GALK2: variants seen among roughly 807,000 people sequenced by gnomAD.
GALK2 encodes N-acetylgalactosamine kinase.
In GALK2, 36 loss-of-function variants were observed where a neutral mutation model predicts 52.4. The observed-to-expected ratio is 0.69, with a 90% confidence interval of 0.53 to 0.91. GALK2 has a LOEUF of 0.91. Ranked by LOEUF, GALK2 falls within the 40% of genes least tolerant of loss-of-function variation. The probability of loss-of-function intolerance (pLI) is 0.00; values close to 1 mark genes in which losing one functional copy is unlikely to be tolerated. For missense variants in GALK2, 579 were observed against 559.1 expected, an observed-to-expected ratio of 1.04 and a Z score of -0.36; for synonymous variants, 176 against 199.1, an observed-to-expected ratio of 0.88 and a Z score of 0.98.
Position 49,178,106 on chromosome 15 carries a change from T to C in GALK2, c.53+7731T>C, listed in dbSNP as rs546267985. Among the ~76,000 whole-genome samples, 207 of 144,052 alleles carry C rather than the reference T, an allele frequency of 1.4e-3. 2 individuals are homozygous for C. The highest frequency in any genetic ancestry group is 3.7e-3 in the Admixed American group (53 of 14,246). 94.5% of individuals were successfully genotyped at this position (144,052 alleles called of 152,430 possible). ...ATTAGTTGAACCCAGGAGGCAGAGGTTGCAGTGAGTGAGATTGTGCCACTG... is the reference window on the plus strand; with the variant it reads ...ATTAGTTGAACCCAGGAGGCAGAGGCTGCAGTGAGTGAGATTGTGCCACTG... On this transcript the variant is annotated intron_variant, in intron 1 of 9. Transcript: ENST00000560031.
At chr15:49,236,579 A>G (rs2090819059) in intron 4 of GALK2, among the ~76,000 whole-genome samples, 2 of 152,358 alleles carry the variant, frequency 1.3e-5, no homozygotes, top group African/African-American at 4.8e-5. Flanking sequence ...ACAAGAAAAT[A>G]AAATGTTTTC....
At chr15:49,279,167 G>A (rs1490186981) in intron 5 of GALK2, among the ~76,000 whole-genome samples, 1 of 152,140 alleles carries the variant, frequency 6.6e-6, no homozygotes, top group Non-Finnish European at 1.5e-5. Context: ...TATCAGTAGG[G>A]TTGTGTGAGA....
chr15:49,287,183 C>T (rs940645396), intron 7 of GALK2, among the ~76,000 whole-genome samples: 1 of 152,156 alleles, frequency 6.6e-6, no homozygotes, highest in East Asian at 1.9e-4. Context: ...AACTGCGTAA[C>T]CCCATATGCA....
chr15:49,319,125 T>G (rs1317728101), intron 8 of GALK2: 1 of 367,474 alleles, frequency 2.7e-6, no homozygotes, highest in Admixed American at 3.7e-5. Context: ...AGGTAATTTT[T>G]GTACTTTTAG....
At chr15:49,238,356 G>T (rs926728875) in intron 4 of GALK2, among the ~76,000 whole-genome samples, 1 of 152,158 alleles carries the variant, frequency 6.6e-6, no homozygotes, top group African/African-American at 2.4e-5. Context: ...ATCAGAATCT[G>T]ATTATTTCTT....
chr15:49,239,998 T>C lies in GALK2; in HGVS notation c.504+631T>C, dbSNP rs112552812. ...GTTATCATAGGTTCTTTTTACCCCA[T>C]GTACATATACTACCAGGTTTACGGA... On this transcript the variant is annotated intron_variant, in intron 5 of 9. Transcript: ENST00000560031. Among the ~76,000 whole-genome samples, 745 of 152,334 alleles carry C rather than the reference T, an allele frequency of 4.9e-3. 7 individuals carry two copies. The highest frequency in any genetic ancestry group is 0.017 in the African/African-American group (710 of 41,574).
At position 49,296,476 on chromosome 15, in the gene GALK2, A is replaced by G. The variant is rs370855667; in HGVS notation, c.967+3939A>G. Among the ~76,000 whole-genome samples, 4 of 152,324 alleles carry G rather than the reference A, an allele frequency of 2.6e-5. No individual in the cohort carries two copies. The East Asian group carries it at 7.7e-4, about 29-fold the overall frequency. On this transcript the variant is annotated intron_variant, in intron 8 of 9. Transcript: ENST00000560031. ...TTATTTCATTCCTTTTTATGGCAGCATAGTATTCCACAGTGTATTTGCACC... is the reference window on the plus strand; with the variant it reads ...TTATTTCATTCCTTTTTATGGCAGCGTAGTATTCCACAGTGTATTTGCACC...
At chr15:49,241,254 T>C (rs73392275) in intron 5 of GALK2, among the ~76,000 whole-genome samples, 64 of 152,264 alleles carry the variant, frequency 4.2e-4, no homozygotes, top group African/African-American at 1.5e-3. Flanking sequence ...TGAGAATCAT[T>C]AGTTTATCAT....
chr15:49,360,569 C>G (rs1183187070), intron 3 of GALK2, among the ~76,000 whole-genome samples: 4 of 52,344 alleles, frequency 7.6e-5, no homozygotes, highest in African/African-American at 3.0e-4. Context: ...CTTATAAAAA[C>G]ATAGACAAAG....
intron 3 of GALK2, among the ~76,000 whole-genome samples, chr15:49,343,229 CTTT>C (rs1567109908): frequency 6.6e-6 from 1 of 151,916 alleles, no homozygotes; most frequent in African/African-American, 2.4e-5. Context: ...TTTCTTAATT[CTTT>C]TTTTAATTTT....
exon 1 of GALK2, chr15:49,155,927 G>A: frequency 6.5e-7 from 1 of 1,547,714 alleles, no homozygotes; most frequent in Non-Finnish European, 8.9e-7. Context: ...TGGGACTCTG[G>A]ACGCATCTCA....
chr15:49,272,338 T>C (rs1408628271), intron 5 of GALK2, among the ~76,000 whole-genome samples: 2 of 152,100 alleles, frequency 1.3e-5, no homozygotes, highest in African/African-American at 4.8e-5. Flanking sequence ...TTCTTCACTT[T>C]TTTGTTAATA....
chr15:49,278,529 G>C (rs1043486127), intron 5 of GALK2, among the ~76,000 whole-genome samples: 1 of 152,176 alleles, frequency 6.6e-6, no homozygotes, highest in Non-Finnish European at 1.5e-5. Flanking sequence ...TAGTACTTTA[G>C]AGCACTATAA....
downstream of GALK2, among the ~76,000 whole-genome samples, chr15:49,336,585 C>T (rs2039750627): frequency 6.6e-6 from 1 of 152,184 alleles, no homozygotes; most frequent in African/African-American, 2.4e-5. Flanking sequence ...TTTTAGAAAA[C>T]TTTATTTTCC....
At chr15:49,312,112 A>G (rs1484157774) in intron 8 of GALK2, among the ~76,000 whole-genome samples, 4 of 152,158 alleles carry the variant, frequency 2.6e-5, no homozygotes, top group African/African-American at 9.7e-5. Context: ...TCTCAGGTGC[A>G]TCTAGATCCA....
chr15:49,354,690 A>C (rs1054431419), intron 3 of GALK2, among the ~76,000 whole-genome samples: 6 of 152,370 alleles, frequency 3.9e-5, no homozygotes, highest in East Asian at 1.9e-4. Context: ...CCCAGGCTTG[A>C]TTAGGTAAAC....
At chr15:49,260,987 A>G (rs1464417474) in intron 5 of GALK2, among the ~76,000 whole-genome samples, 2 of 151,890 alleles carry the variant, frequency 1.3e-5, no homozygotes, top group African/African-American at 4.8e-5. Context: ...GTATAGTTTG[A>G]AGTCAGGTAG....
chr15:49,366,724 C>T, intron 3 of GALK2: 2 of 1,134,324 alleles, frequency 1.8e-6, no homozygotes, highest in South Asian at 1.3e-5. Context: ...CGGCGCGGCT[C>T]ACTAGGTGGG....
intron 3 of GALK2, among the ~76,000 whole-genome samples, chr15:49,341,605 A>G (rs1013244223): frequency 7.2e-5 from 11 of 152,022 alleles, no homozygotes; most frequent in Non-Finnish European, 1.5e-4. Context: ...GCTTACTTCA[A>G]TCTCCCAAAG....
Sources: allele counts gnomAD v4.1 joint callset (sites outside exome capture counted in the v4.1 genomes callset), GRCh38; gene constraint gnomAD v4.1.1; transcripts MANE v1.5; gene names NCBI Gene and HGNC (gene_info 2026-07-23, HGNC 2026-07-21).